The following SPATA17 variants were observed in gnomAD, a reference collection of about 807,000 sequenced individuals.
The protein encoded by SPATA17 is spermatogenesis associated 17.
A neutral mutation model predicts 62.2 loss-of-function variants in SPATA17; 53 were observed. The observed-to-expected ratio is 0.85, with a 90% CI of 0.68 to 1.07. SPATA17 has a LOEUF of 1.07. Ranked by LOEUF, SPATA17 falls within the 50% of genes least tolerant of loss-of-function variation. The pLI, the probability that SPATA17 is intolerant of heterozygous loss-of-function variation, is 0.00. For synonymous variants in SPATA17, 146 were observed against 146.8 expected (o/e 0.99, Z 0.04); for missense variants, 466 against 425.5 (o/e 1.10, Z -0.84).
rs71521179 is a variant in SPATA17 at position 217,749,973 on chromosome 1, C to A, written c.519+7875C>A. Among the ~76,000 whole-genome samples, 272 of 43,542 alleles carry A rather than the reference C, an allele frequency of 6.2e-3. 1 individual carries two copies. Among genetic ancestry groups the A allele is most frequent in the Non-Finnish European group, 0.01 (195 of 19,208 alleles). The allele number at this position is 43,542 out of a possible 152,430, so 28.6% of individuals were successfully genotyped here. A position where few individuals can be genotyped will look rare whatever the true frequency, so the allele number is the denominator to read the frequency against. On this transcript the variant is annotated intron_variant, in intron 6 of 10. Coordinates refer to ENST00000366933, the MANE Select transcript of SPATA17 (RefSeq NM_138796.4). Reference sequence around the variant, plus strand: ...TCTCTCTCTCTCTCTCTCTCTCTCTCTCTCTCTCTCTCTATATATATATAT... The same window carrying A: ...TCTCTCTCTCTCTCTCTCTCTCTCTATCTCTCTCTCTCTATATATATATAT...
Position 217,868,079 on chromosome 1 carries a change from T to G in SPATA17, c.*1060T>G, listed in dbSNP as rs1262977492. 6.6e-6 allele frequency: 1 copy of G among 152,162 alleles called. No homozygotes were observed. The highest frequency in any genetic ancestry group is 2.4e-5 in the African/African-American group (1 of 41,448). 9.4% of individuals were successfully genotyped at this position (152,162 alleles called of 1,614,324 possible). On this transcript the variant is annotated 3_prime_UTR_variant, in exon 11 of 11. Transcript: ENST00000366933. ...CTATTAAAAAGACATTATCTATCAA[T>G]CACTGTGTGTGTACAGTTTTGAGCT...
At chr1:217,796,589 T>C (rs1218709338) in intron 8 of SPATA17, among the ~76,000 whole-genome samples, 1 of 152,206 alleles carries the variant, frequency 6.6e-6, no homozygotes, top group Non-Finnish European at 1.5e-5. Flanking sequence ...GCCTAAATAG[T>C]TCATGAGTTT....
chr1:217,701,263 C>T (rs768380417), intron 5 of SPATA17, among the ~76,000 whole-genome samples: 1 of 151,612 alleles, frequency 6.6e-6, no homozygotes, highest in African/African-American at 2.4e-5. Context: ...CATGAGCCGC[C>T]GCACCTGGCC....
chr1:217,778,237 G>C (rs567174462), intron 7 of SPATA17, among the ~76,000 whole-genome samples: 2 of 152,136 alleles, frequency 1.3e-5, no homozygotes, highest in Non-Finnish European at 2.9e-5. Context: ...GCTGGTGGGC[G>C]CGGTGGCTCA....
chr1:217,816,197 T>C (rs1273448903), intron 9 of SPATA17, among the ~76,000 whole-genome samples: 2 of 152,048 alleles, frequency 1.3e-5, no homozygotes, highest in African/African-American at 2.4e-5. Flanking sequence ...TTCAAGAACA[T>C]GCTTTGTCTC....
chr1:217,759,603 A>G (rs1245434465), intron 6 of SPATA17, among the ~76,000 whole-genome samples: 1 of 152,190 alleles, frequency 6.6e-6, no homozygotes, highest in East Asian at 1.9e-4. Context: ...GTGGTTTTCT[A>G]GAGGAGCAGG....
intron 9 of SPATA17, among the ~76,000 whole-genome samples, chr1:217,844,535 G>A (rs1675482502): frequency 1.3e-5 from 2 of 152,016 alleles, no homozygotes; most frequent in Non-Finnish European, 2.9e-5. Context: ...TGAGAACTAC[G>A]GATGGACTGA....
chr1:217,825,677 T>C (rs1000316166), intron 9 of SPATA17, among the ~76,000 whole-genome samples: 5 of 152,034 alleles, frequency 3.3e-5, no homozygotes, highest in African/African-American at 9.7e-5. Context: ...GATATTTACA[T>C]CTTTAAATTT....
At chr1:217,733,596 C>T (rs998541419) in intron 5 of SPATA17, among the ~76,000 whole-genome samples, 1 of 152,154 alleles carries the variant, frequency 6.6e-6, no homozygotes, top group Non-Finnish European at 1.5e-5. Flanking sequence ...GCAAGTACTA[C>T]GGTTTAAACG....
Position 217,683,271 on chromosome 1 carries a change from G to A in SPATA17, c.305G>A (p.Trp102Ter). The A allele has an allele frequency of 6.2e-7, 1 of 1,603,460 alleles. No individual in the cohort carries two copies. The change falls in exon 5 of 11, where the codon TGG (tryptophan) becomes TAG (stop). Residue 102 changes from tryptophan to a stop codon, truncating the protein, a stop_gained. Transcript: ENST00000366933. LOFTEE classifies it high-confidence loss of function. ...TTACTTTAATAGATTCAGAGACGAT[G>A]GCGAGGCTATAGGGTTCGGAAGTAC... ...NAMAVRIQRR[W>*]RGYRVRKYLF... is the part of the protein sequence containing the mutation.
At chr1:217,862,930 A>C (rs1675927090) in intron 10 of SPATA17, 74 bp downstream of exon 10, 5 of 905,838 alleles carry the variant, frequency 5.5e-6, no homozygotes, top group Non-Finnish European at 8.4e-6. Context: ...GGGTTGACTT[A>C]ACTATCAAGC....
At chr1:217,804,671 G>A (rs1392708858) in intron 9 of SPATA17, among the ~76,000 whole-genome samples, 3 of 152,018 alleles carry the variant, frequency 2.0e-5, no homozygotes, top group Non-Finnish European at 2.9e-5. Flanking sequence ...AATATATAAG[G>A]AACTCATACA....
chr1:217,650,094 C>T (rs1442607001), intron 2 of SPATA17, among the ~76,000 whole-genome samples: 1 of 151,996 alleles, frequency 6.6e-6, no homozygotes, highest in African/African-American at 2.4e-5. Context: ...CATGTGCCAC[C>T]ATGCCTGGAT....
rs928707848 is a variant in SPATA17 at position 217,770,991 on chromosome 1, T to A, written c.520-3343T>A. ...ATAACTCATTGCATTTTTTTTTTTT[T>A]TTTTTTTTTTTTTTTTTGCCTTTTG... On this transcript the variant is annotated intron_variant, in intron 6 of 10. Coordinates refer to ENST00000366933, the MANE Select transcript of SPATA17 (RefSeq NM_138796.4). Among the ~76,000 whole-genome samples, 129 of 126,226 alleles carry A rather than the reference T, an allele frequency of 1.0e-3. 1 individual carries two copies. Among genetic ancestry groups the A allele is most frequent in the Admixed American group, 2.1e-3 (25 of 11,714 alleles). The allele number at this position is 126,226 out of a possible 152,430, so 82.8% of individuals were successfully genotyped here.
At chr1:217,847,561 A>G (rs1391706129) in intron 9 of SPATA17, among the ~76,000 whole-genome samples, 3 of 152,144 alleles carry the variant, frequency 2.0e-5, no homozygotes, top group Non-Finnish European at 4.4e-5. Flanking sequence ...CAAAGCTTGT[A>G]GAGGGGGTTG....
intron 9 of SPATA17, among the ~76,000 whole-genome samples, chr1:217,820,664 T>C (rs997598118): frequency 6.6e-6 from 1 of 151,978 alleles, no homozygotes; most frequent in African/African-American, 2.4e-5. Context: ...ACTCATCCAA[T>C]TAGATATGTC....
intron 3 of SPATA17, among the ~76,000 whole-genome samples, chr1:217,652,459 C>T (rs895388173): frequency 1.3e-5 from 2 of 152,130 alleles, no homozygotes; most frequent in African/African-American, 4.8e-5. Flanking sequence ...GTCTCAAACT[C>T]CTGACCTCAG....
At chr1:217,699,606 A>G (rs969503488) in intron 5 of SPATA17, among the ~76,000 whole-genome samples, 1 of 152,088 alleles carries the variant, frequency 6.6e-6, no homozygotes, top group Non-Finnish European at 1.5e-5. Flanking sequence ...CTGGATACAT[A>G]TTTTTGTCAA....
At chr1:217,861,665 T>C (rs966528122) in intron 9 of SPATA17, among the ~76,000 whole-genome samples, 4 of 152,104 alleles carry the variant, frequency 2.6e-5, no homozygotes, top group African/African-American at 9.7e-5. Context: ...GAAAATGATA[T>C]TTCATTATGT....
Sources: gnomAD v4.1 joint callset for allele counts (sites outside exome capture counted in the v4.1 genomes callset) on GRCh38, gnomAD v4.1.1 for gene constraint, MANE v1.5 for transcripts, NCBI Gene and HGNC (gene_info 2026-07-23, HGNC 2026-07-21) for gene names.